Variants in SEPTIN14 observed in about 807,000 individuals in gnomAD.
The protein encoded by SEPTIN14 is septin 14, also known as septin-14.
A neutral mutation model predicts 53.6 loss-of-function variants in SEPTIN14; 40 were observed. The ratio of observed to expected loss-of-function variants is 0.75; its 90% CI spans 0.58 to 0.97. SEPTIN14 has a LOEUF of 0.97. Among genes scored for constraint, SEPTIN14 ranks in the 50% least tolerant of loss-of-function variants. The pLI is 0.00. For missense variants in SEPTIN14, 471 were observed against 508.2 expected, an observed-to-expected ratio of 0.93 and a Z score of 0.70; for synonymous variants, 138 against 166.8, an observed-to-expected ratio of 0.83 and a Z score of 1.33.
intron 2 of SEPTIN14, among the ~76,000 whole-genome samples, chr7:55,853,759 G>A (rs1389156178): frequency 6.6e-6 from 1 of 151,968 alleles, no homozygotes; most frequent in Non-Finnish European, 1.5e-5. Flanking sequence ...CACATTGTGC[G>A]CCTATAACAA....
intron 7 of SEPTIN14, among the ~76,000 whole-genome samples, chr7:55,818,047 T>A (rs1442955599): frequency 5.3e-5 from 8 of 152,202 alleles, no homozygotes; most frequent in Non-Finnish European, 8.8e-5. Context: ...AAATTTTATG[T>A]ATCAACATAT....
intron 6 of SEPTIN14, among the ~76,000 whole-genome samples, chr7:55,823,377 T>C (rs1352432865): frequency 6.6e-6 from 1 of 152,138 alleles, no homozygotes; most frequent in Non-Finnish European, 1.5e-5. Flanking sequence ...AGCCCCCAGG[T>C]CCCCTCTCCA....
At chr7:55,830,341 A>ATTTTTTTTTTTTT (rs1789082534) in intron 6 of SEPTIN14, among the ~76,000 whole-genome samples, 1 of 32,276 alleles carries the variant, frequency 3.1e-5, no homozygotes, top group African/African-American at 2.2e-4. Flanking sequence ...ATATATATAT[A>ATTTTTTTTTTTTT]TATATATATT....
At chr7:55,819,091 T>A in intron 7 of SEPTIN14, 36 bp downstream of exon 7, 2 of 1,174,938 alleles carry the variant, frequency 1.7e-6, no homozygotes, top group South Asian at 2.6e-5. Flanking sequence ...TATATTTAAC[T>A]TAATCATTCC....
At position 55,795,948 on chromosome 7, in the gene SEPTIN14, T is replaced by A. The variant is rs747197278; in HGVS notation, c.1264A>T (p.Thr422Ser). ...ASEALQTQLS[T>S]DTKKDKHRKK The stretch of plus-strand genomic sequence containing the variant: ...CGATGTTTGTCTTTCTTTGTATCGG[T>A]GCTCAGCTGAGTCTGCAGTGCTTCG... The change falls in exon 10 of 10, where the codon ACC becomes TCC. Residue 422 changes from threonine (T) to serine (S), a missense_variant. Thr to Ser is a moderately conservative substitution (Grantham distance 58, BLOSUM62 1). Transcript: ENST00000388975. 10 of 1,594,798 alleles carry A rather than the reference T, an allele frequency of 6.3e-6. No homozygotes were observed. The Admixed American group carries it at 1.2e-4, about 19-fold the overall frequency.
At chr7:55,821,879 G>A (rs1788901705) in intron 6 of SEPTIN14, among the ~76,000 whole-genome samples, 1 of 152,160 alleles carries the variant, frequency 6.6e-6, no homozygotes, top group African/African-American at 2.4e-5. Context: ...ACCCAAGACT[G>A]GGAAGAAAAA....
chr7:55,830,349 A>ATTTTTTTTTTTTTTTTTTTTTTTTTTT (rs1216458496), intron 6 of SEPTIN14, among the ~76,000 whole-genome samples: 1 of 56,848 alleles, frequency 1.8e-5, no homozygotes, highest in African/African-American at 1.0e-4. Flanking sequence ...ATATATATAT[A>ATTTTTTTTTTTTTTTTTTTTTTTTTTT]TTTTTTTTTT....
intron 1 of SEPTIN14, among the ~76,000 whole-genome samples, 199 bp downstream of exon 1, chr7:55,862,489 T>C (rs1303262416): frequency 6.6e-6 from 1 of 152,194 alleles, no homozygotes; most frequent in Non-Finnish European, 1.5e-5. Flanking sequence ...TTAAAAAACC[T>C]AAACAAGTTC....
Position 55,846,599 on chromosome 7 carries a change from T to A in SEPTIN14, c.93A>T (p.Gly31=). Residue 31 remains glycine (G), a synonymous_variant, in exon 3 of 10, where the codon GGA becomes GGT. Transcript: ENST00000388975. Reference sequence around the variant, plus strand: ...TGGGCAAACATTCAAAACCAAAATGTCCAATCGTAGTTAAACAACGAATAT... The same window carrying A: ...TGGGCAAACATTCAAAACCAAAATGACCAATCGTAGTTAAACAACGAATAT... ...ENNIRCLTTI[G]HFGFECLPNQ... is the part of the protein sequence containing the mutation. The A allele has an allele frequency of 6.6e-7, 1 of 1,515,872 alleles. No individual in the cohort carries two copies. Among genetic ancestry groups the A allele is most frequent in the Non-Finnish European group, 9.1e-7 (1 of 1,094,474 alleles). The allele number at this position is 1,515,872 out of a possible 1,614,324, so 93.9% of individuals were successfully genotyped here.
At chr7:55,832,450 A>G (rs1789126521) in intron 6 of SEPTIN14, among the ~76,000 whole-genome samples, 2 of 152,156 alleles carry the variant, frequency 1.3e-5, no homozygotes, top group Admixed American at 1.3e-4. Flanking sequence ...AGTCACTTTC[A>G]CTCATGTGTA....
intron 6 of SEPTIN14, among the ~76,000 whole-genome samples, 199 bp downstream of exon 6, chr7:55,834,226 A>C (rs1199529833): frequency 2.6e-5 from 4 of 152,218 alleles, no homozygotes; most frequent in Non-Finnish European, 5.9e-5. Context: ...AAAGCAAGAA[A>C]ACACACTTTC....
chr7:55,795,948 T>C lies in SEPTIN14; in HGVS notation c.1264A>G (p.Thr422Ala), dbSNP rs747197278. 6.3e-7 allele frequency: 1 copy of C among 1,594,796 alleles called. No individual in the cohort carries two copies. ...CGATGTTTGTCTTTCTTTGTATCGG[T>C]GCTCAGCTGAGTCTGCAGTGCTTCG... ...ASEALQTQLS[T>A]DTKKDKHRKK Residue 422 changes from threonine to alanine, a missense_variant, in exon 10 of 10, where the codon ACC becomes GCC. Transcript: ENST00000388975.
At chr7:55,854,770 A>G (rs983535901) in intron 2 of SEPTIN14, among the ~76,000 whole-genome samples, 1 of 152,216 alleles carries the variant, frequency 6.6e-6, no homozygotes. Flanking sequence ...AACAAAAAGC[A>G]TAAATATTCA....
intron 5 of SEPTIN14, 62 bp downstream of exon 5, chr7:55,842,880 C>G: frequency 8.8e-7 from 1 of 1,131,080 alleles, no homozygotes. Flanking sequence ...TGCACTCCAG[C>G]CTGGGCGACA....
At chr7:55,825,190 A>T (rs868736347) in intron 6 of SEPTIN14, among the ~76,000 whole-genome samples, 51 of 152,224 alleles carry the variant, frequency 3.4e-4, no homozygotes, top group Non-Finnish European at 4.4e-5. Flanking sequence ...AAGCCACAAA[A>T]AAAGACACAG....
At chr7:55,854,522 C>G (rs148673327) in intron 2 of SEPTIN14, among the ~76,000 whole-genome samples, 1 of 152,082 alleles carries the variant, frequency 6.6e-6, no homozygotes, top group South Asian at 2.1e-4. Context: ...CTCCGCCTCC[C>G]GGGTTCACGC....
At chr7:55,825,256 G>GAACT (rs531721372) in intron 6 of SEPTIN14, among the ~76,000 whole-genome samples, 221 of 152,210 alleles carry the variant, frequency 1.5e-3, no homozygotes, top group African/African-American at 4.9e-3. Context: ...AGTTCTACAT[G>GAACT]AACTATAATT....
At chr7:55,846,074 T>TATATATATATATATATATATATAA (rs1554331662) in intron 3 of SEPTIN14, among the ~76,000 whole-genome samples, 1 of 108,586 alleles carries the variant, frequency 9.2e-6, no homozygotes, top group African/African-American at 3.1e-5. Flanking sequence ...AGTATATATA[T>TATATATATATATATATATATATAA]ATATATATAT....
chr7:55,845,917 C>T (rs888606226), intron 3 of SEPTIN14, among the ~76,000 whole-genome samples: 8 of 149,242 alleles, frequency 5.4e-5, no homozygotes, highest in Non-Finnish European at 8.9e-5. Flanking sequence ...GGTGTATTGG[C>T]GGGCGCCTGT....
Sources: allele counts gnomAD v4.1 joint callset (sites outside exome capture counted in the v4.1 genomes callset), GRCh38; gene constraint gnomAD v4.1.1; transcripts MANE v1.5; gene names NCBI Gene and HGNC (gene_info 2026-07-23, HGNC 2026-07-21).